LOXL2: variants seen among roughly 807,000 people sequenced by gnomAD.
LOXL2 encodes lysyl oxidase like 2, also known as lysyl oxidase homolog 2.
Under a neutral mutation model 93.0 loss-of-function variants are expected in LOXL2, and 70 were observed. The ratio of observed to expected loss-of-function variants is 0.75; its 90% CI spans 0.62 to 0.92. The LOEUF (loss-of-function observed/expected upper bound fraction) is 0.92. Ranked by LOEUF, LOXL2 falls within the 40% of genes least tolerant of loss-of-function variation. The pLI, the probability that LOXL2 is intolerant of heterozygous loss-of-function variation, is 0.00. For missense variants in LOXL2, 973 were observed against 1,054.9 expected, an observed-to-expected ratio of 0.92 and a Z score of 1.08; for synonymous variants, 438 against 413.2, an observed-to-expected ratio of 1.06 and a Z score of -0.73.
chr8:23,364,431 G>A (rs1361694928), intron 2 of LOXL2: 4 of 152,272 alleles, frequency 2.6e-5, no homozygotes, highest in South Asian at 2.1e-4. Flanking sequence ...GATGAAAGAA[G>A]AGATAAATAT....
chr8:23,397,851 C>T (rs1800111568), intron 1 of LOXL2, among the ~76,000 whole-genome samples: 1 of 147,862 alleles, frequency 6.8e-6, no homozygotes, highest in Non-Finnish European at 1.5e-5. Context: ...ATCCCAGCTA[C>T]TCGGGAGGCT....
chr8:23,355,977 T>TC (rs982255026), intron 3 of LOXL2, among the ~76,000 whole-genome samples: 1 of 152,124 alleles, frequency 6.6e-6, no homozygotes, highest in African/African-American at 2.4e-5. Context: ...ACTGTTTTTT[T>TC]CCCCATGAAC....
chr8:23,386,221 A>G (rs573783182), intron 1 of LOXL2, among the ~76,000 whole-genome samples: 4 of 152,122 alleles, frequency 2.6e-5, no homozygotes, highest in Admixed American at 6.5e-5. Flanking sequence ...GTGAAATCCC[A>G]TCTCTACTAA....
At position 23,333,446 on chromosome 8, in the gene LOXL2, G is replaced by A; in HGVS notation, c.921C>T (p.Phe307=). The change falls in exon 5 of 14, where the codon TTC becomes TTT. Residue 307 remains phenylalanine (F), a synonymous_variant. Transcript: ENST00000389131. ...GGAATCTTGAGGGTCCGTCAGGGCT[G>A]AAGACCTGCCCAGGCACACAACTCA... ...AVVSCVPGQV[F]SPDGPSRFRK... is the part of the protein sequence containing the mutation. 5 of 1,613,924 alleles carry A rather than the reference G, an allele frequency of 3.1e-6. No individual in the cohort carries two copies. Among genetic ancestry groups the A allele is most frequent in the Non-Finnish European group, 4.2e-6 (5 of 1,180,042 alleles).
At chr8:23,364,218 A>C (rs1394565961) in intron 2 of LOXL2, 1 of 152,038 alleles carries the variant, frequency 6.6e-6, no homozygotes, top group African/African-American at 2.4e-5. Flanking sequence ...TAACTAGACT[A>C]CTCCGATTCC....
chr8:23,384,223 G>T (rs1476825674), intron 1 of LOXL2, among the ~76,000 whole-genome samples: 1 of 152,164 alleles, frequency 6.6e-6, no homozygotes, highest in African/African-American at 2.4e-5. Flanking sequence ...TGGGTTATAA[G>T]GTTGGACCAA....
At chr8:23,337,902 C>T (rs547723028) in intron 4 of LOXL2, among the ~76,000 whole-genome samples, 1 of 152,292 alleles carries the variant, frequency 6.6e-6, no homozygotes, top group South Asian at 2.1e-4. Flanking sequence ...GCTGCAGAGA[C>T]CTCTGGGGTA....
chr8:23,327,098 A>G (rs1042453723), intron 6 of LOXL2, among the ~76,000 whole-genome samples: 19 of 152,088 alleles, frequency 1.2e-4, no homozygotes, highest in African/African-American at 4.6e-4. Context: ...ACTGTCCATC[A>G]TTTCAGGACT....
chr8:23,343,776 C>G (rs886447620), intron 3 of LOXL2, among the ~76,000 whole-genome samples: 1 of 152,132 alleles, frequency 6.6e-6, no homozygotes, highest in Non-Finnish European at 1.5e-5. Flanking sequence ...TCATTCAGGC[C>G]GCAGGACCCG....
chr8:23,400,004 C>T lies in LOXL2; in HGVS notation c.-84+3950G>A, dbSNP rs948143802. 1.8e-4 allele frequency among the ~76,000 whole-genome samples: 27 copies of T among 152,212 alleles called. 1 individual carries two copies. Among genetic ancestry groups the T allele is most frequent in the Admixed American group, 1.4e-3 (21 of 15,276 alleles). On this transcript the variant is annotated intron_variant, in intron 1 of 13. Coordinates refer to ENST00000389131, the MANE Select transcript of LOXL2 (RefSeq NM_002318.3). Reference sequence around the variant, plus strand: ...TGGAAGGTCTGTTCATTCCCTGTTTCAAAGCAACAAGCGTAACAGCAGAAC... The same window carrying T: ...TGGAAGGTCTGTTCATTCCCTGTTTTAAAGCAACAAGCGTAACAGCAGAAC...
chr8:23,368,823 G>A (rs1563204195), intron 1 of LOXL2, among the ~76,000 whole-genome samples: 1 of 152,178 alleles, frequency 6.6e-6, no homozygotes, highest in Non-Finnish European at 1.5e-5. Context: ...CTGCGGGGGT[G>A]AGAACTGGAG....
chr8:23,371,862 G>A (rs1804501994), intron 1 of LOXL2, among the ~76,000 whole-genome samples: 1 of 151,658 alleles, frequency 6.6e-6, no homozygotes, highest in African/African-American at 2.4e-5. Context: ...GTGTTGTCTG[G>A]GAAGTGGTAA....
At chr8:23,317,879 TG>T (rs886982058) in intron 8 of LOXL2, among the ~76,000 whole-genome samples, 1 of 142,830 alleles carries the variant, frequency 7.0e-6, no homozygotes, top group African/African-American at 2.5e-5. Context: ...GCTTGGAGGC[TG>T]AGGCAGGATT....
At chr8:23,353,166 T>G (rs1234752448) in intron 3 of LOXL2, among the ~76,000 whole-genome samples, 1 of 152,138 alleles carries the variant, frequency 6.6e-6, no homozygotes, top group Non-Finnish European at 1.5e-5. Flanking sequence ...GAGCAGAGGT[T>G]TACTGAGTAG....
chr8:23,320,190 G>C (rs910514338), intron 7 of LOXL2, 138 bp from the exon 8 acceptor site: 1 of 885,354 alleles, frequency 1.1e-6, no homozygotes, highest in Non-Finnish European at 1.7e-6. Context: ...CAGCACCCTT[G>C]GGAGCCCCCG....
chr8:23,317,813 C>T (rs1420263357), intron 8 of LOXL2, among the ~76,000 whole-genome samples: 1 of 152,094 alleles, frequency 6.6e-6, no homozygotes, highest in Non-Finnish European at 1.5e-5. Flanking sequence ...GAATTGGGAT[C>T]GTCAGGTACA....
rs1803060490 is a variant in LOXL2, at chr8:23,297,773, A to C, written c.*270T>G. The C allele has an allele frequency of 2.5e-6, 1 of 399,622 alleles. No homozygotes were observed. The highest frequency in any genetic ancestry group is 4.6e-6 in the Non-Finnish European group (1 of 218,876). 24.8% of individuals were successfully genotyped at this position (399,622 alleles called of 1,614,324 possible). A position where few individuals can be genotyped will look rare whatever the true frequency, so the allele number is the denominator to read the frequency against. ...CTGTCTGTGGGCCTCATCCCGGTCAAGACTGGCTCTTGGTGCTGCTCCAGC... is the reference window on the plus strand; with the variant it reads ...CTGTCTGTGGGCCTCATCCCGGTCACGACTGGCTCTTGGTGCTGCTCCAGC... On this transcript the variant is annotated 3_prime_UTR_variant, in exon 14 of 14. Transcript: ENST00000389131.
chr8:23,385,714 TGA>T, intron 1 of LOXL2: 1 of 560,846 alleles, frequency 1.8e-6, no homozygotes, highest in East Asian at 3.0e-5. Flanking sequence ...AGAAACGTAA[TGA>T]GAGCCACATA....
At chr8:23,333,772 G>T in intron 4 of LOXL2, 149 bp from the exon 5 acceptor site, 1 of 648,708 alleles carries the variant, frequency 1.5e-6, no homozygotes, top group Non-Finnish European at 2.7e-6. Context: ...CATTCTGCCA[G>T]CATTCACTGA....
Sources: gnomAD v4.1 joint callset for allele counts (sites outside exome capture counted in the v4.1 genomes callset) on GRCh38, gnomAD v4.1.1 for gene constraint, MANE v1.5 for transcripts, NCBI Gene and HGNC (gene_info 2026-07-23, HGNC 2026-07-21) for gene names.